ZNF577: variants seen among roughly 807,000 people sequenced by gnomAD.
ZNF577 encodes zinc finger protein 577.
ZNF577 carries 14 observed loss-of-function variants against 13.9 expected under a neutral mutation model. The observed-to-expected ratio is 1.00, with a 90% CI of 0.66 to 1.57. ZNF577 has a LOEUF of 1.57. Among genes scored for constraint, ZNF577 ranks in the 40% most tolerant of loss-of-function variants. ZNF577 has a pLI of 0.00. For synonymous variants in ZNF577, 203 were observed against 202.9 expected (o/e 1.00, Z 0.00); for missense variants, 555 against 579.2 (o/e 0.96, Z 0.43).
In ZNF577 at chr19:51,844,177, T is replaced by C. The variant is rs563775221; in HGVS notation, c.*154+581A>G. ...ACTTCTTACTATGTGCTATGTATCATTCTACAAATTTTACATATATTAACA... is the reference window on the plus strand; with the variant it reads ...ACTTCTTACTATGTGCTATGTATCACTCTACAAATTTTACATATATTAACA... On this transcript the variant is annotated intron_variant and NMD_transcript_variant, in intron 6 of 10. Coordinates refer to the ZNF577 transcript ENST00000638827. Among the ~76,000 whole-genome samples, 4 of 152,228 alleles carry C rather than the reference T, an allele frequency of 2.6e-5. No homozygotes were observed. In the East Asian group the frequency reaches 7.7e-4, roughly 29 times the overall value.
At chr19:51,807,680 G>A (rs560081927) in intron 10 of ZNF577, among the ~76,000 whole-genome samples, 2 of 152,348 alleles carry the variant, frequency 1.3e-5, no homozygotes, top group Admixed American at 1.3e-4. Flanking sequence ...GTAATCACAG[G>A]AAGAATGAAA....
intron 9 of ZNF577, among the ~76,000 whole-genome samples, chr19:51,834,346 CCTAA>C (rs1599846291): frequency 6.6e-6 from 1 of 152,148 alleles, no homozygotes; most frequent in Admixed American, 6.5e-5. Context: ...AATCAAGTAA[CCTAA>C]CTGACATTTA....
intron 2 of ZNF577, 79 bp from the exon 3 acceptor site, chr19:51,880,480 T>A: frequency 7.8e-7 from 1 of 1,287,524 alleles, no homozygotes; most frequent in Middle Eastern, 1.9e-4. Context: ...TGTTCCGACA[T>A]TAAGAACTTT....
In ZNF577 at chr19:51,873,438, T is replaced by C. The variant is rs751452213; in HGVS notation, c.552A>G (p.Lys184=). ...IQHQRTERGE[K]PHGCGECGKT... is the part of the protein sequence containing the mutation. ...TCCCACATTCACCACATCCATGGGGTTTCTCTCCTCTTTCAGTTCTCTGAT... is the reference window on the plus strand; with the variant it reads ...TCCCACATTCACCACATCCATGGGGCTTCTCTCCTCTTTCAGTTCTCTGAT... Residue 184 remains lysine (K), a synonymous_variant, in exon 6 of 6, where the codon AAA becomes AAG. Coordinates refer to ENST00000638348, the MANE Select transcript of ZNF577 (RefSeq NM_001370449.1). The C allele has an allele frequency of 6.2e-6, 10 of 1,613,964 alleles. No homozygotes were observed. The highest frequency in any genetic ancestry group is 1.3e-5 in the African/African-American group (1 of 74,890).
chr19:51,855,942 T>C (rs760569432), intron 5 of ZNF577: 1 of 152,218 alleles, frequency 6.6e-6, no homozygotes, highest in Non-Finnish European at 1.5e-5. Flanking sequence ...GTTCTGAGGC[T>C]GCTGTTTTCC....
At chr19:51,829,679 A>G (rs2084251299) in intron 9 of ZNF577, among the ~76,000 whole-genome samples, 2 of 152,224 alleles carry the variant, frequency 1.3e-5, no homozygotes, top group Admixed American at 1.3e-4. Context: ...TGAAGTCAGA[A>G]AAGATGATAA....
intron 5 of ZNF577, chr19:51,861,503 GC>G (rs1306632792): frequency 6.6e-6 from 1 of 152,364 alleles, no homozygotes. Flanking sequence ...AATATTCATT[GC>G]ATCTATAAGG....
intron 9 of ZNF577, among the ~76,000 whole-genome samples, chr19:51,814,210 T>C (rs1180391328): frequency 6.6e-6 from 1 of 152,230 alleles, no homozygotes; most frequent in South Asian, 2.1e-4. Flanking sequence ...CTTGTCTTCA[T>C]GGTTGTGTTG....
intron 8 of ZNF577, chr19:51,842,704 C>T (rs1212531373): frequency 6.6e-6 from 1 of 152,196 alleles, no homozygotes; most frequent in African/African-American, 2.4e-5. Context: ...TACTCTAAGT[C>T]ACCCTTAAAG....
intron 6 of ZNF577, chr19:51,844,650 T>C (rs2084340750): frequency 6.6e-6 from 1 of 152,244 alleles, no homozygotes; most frequent in South Asian, 2.1e-4. Context: ...TCTCCTAGTC[T>C]AACCACATCC....
At chr19:51,825,067 G>A (rs2084222829) in intron 9 of ZNF577, 1 of 388,132 alleles carries the variant, frequency 2.6e-6, no homozygotes. Flanking sequence ...CATTCCCCAA[G>A]TCTGCTCCTC....
downstream of ZNF577, chr19:51,862,061 G>C (rs2084509260): frequency 6.6e-6 from 1 of 152,550 alleles, no homozygotes; most frequent in African/African-American, 2.4e-5. Flanking sequence ...GCATCATAGG[G>C]TCTCTCTCCT....
At chr19:51,846,899 G>A (rs1278264072) in intron 5 of ZNF577, among the ~76,000 whole-genome samples, 2 of 152,156 alleles carry the variant, frequency 1.3e-5, no homozygotes, top group African/African-American at 4.8e-5. Context: ...ATGGTATTTT[G>A]TTATGGCAGC....
rs776189722 is a variant in ZNF577, at chr19:51,824,449, T to G, written c.*600-12775A>C. ...GCCAAAATTCACAGAAACCACATGATTAAATCCAGCCGTCCCTTACGTGTC... is the reference window on the plus strand; with the variant it reads ...GCCAAAATTCACAGAAACCACATGAGTAAATCCAGCCGTCCCTTACGTGTC... On this transcript the variant is annotated intron_variant and NMD_transcript_variant, in intron 9 of 10. Coordinates refer to the ZNF577 transcript ENST00000638827. This position sits in a 1 kb window ranked among gnomAD's most constrained non-coding sequence, Gnocchi z 4.7. 1.2e-5 allele frequency: 19 copies of G among 1,614,122 alleles called. No individual in the cohort carries two copies. Among genetic ancestry groups the G allele is most frequent in the Non-Finnish European group, 1.6e-5 (19 of 1,180,014 alleles).
downstream of ZNF577, among the ~76,000 whole-genome samples, chr19:51,866,744 G>A (rs1322107458): frequency 1.3e-5 from 2 of 152,200 alleles, no homozygotes. Context: ...CACTTTGGGA[G>A]GCTGAGATGG....
At chr19:51,807,268 T>G (rs898796898) in intron 10 of ZNF577, among the ~76,000 whole-genome samples, 1 of 152,188 alleles carries the variant, frequency 6.6e-6, no homozygotes, top group African/African-American at 2.4e-5. Context: ...CTTGCAAGAC[T>G]GCATTCTTAA....
intron 9 of ZNF577, among the ~76,000 whole-genome samples, chr19:51,816,681 G>A (rs2084139602): frequency 6.6e-6 from 1 of 152,234 alleles, no homozygotes; most frequent in African/African-American, 2.4e-5. Context: ...TCAGTCAGAA[G>A]TACAGGTGGC....
At chr19:51,805,417 A>T (rs2084051813) in intron 10 of ZNF577, among the ~76,000 whole-genome samples, 1 of 152,202 alleles carries the variant, frequency 6.6e-6, no homozygotes, top group South Asian at 2.1e-4. Flanking sequence ...TGCCTATTTA[A>T]ATCAAGAATT....
At position 51,878,469 on chromosome 19, in the gene ZNF577, T is replaced by TCCTC. The variant is rs1415019658; in HGVS notation, c.103_106dup (p.Glu36GlyfsTer67). 1 of 1,614,042 alleles carries TCCTC rather than the reference T, an allele frequency of 6.2e-7. No homozygotes were observed. The highest frequency in any genetic ancestry group is 1.3e-5 in the African/African-American group (1 of 74,994). On this transcript the variant is annotated frameshift_variant, in exon 4 of 6. Transcript: ENST00000638348. LOFTEE classifies it high-confidence loss of function. The stretch of plus-strand genomic sequence containing the variant: ...CTGAGACTGGTCCAAAAACTGCCAC[T>TCCTC]CCTCCCTGGTGAAGCCCACAGCCAC...
Sources: allele counts gnomAD v4.1 joint callset (sites outside exome capture counted in the v4.1 genomes callset), GRCh38; gene constraint gnomAD v4.1.1; non-coding constraint Gnocchi (gnomAD v3.1); transcripts MANE v1.5; gene names NCBI Gene and HGNC (gene_info 2026-07-23, HGNC 2026-07-21).